The following DESI2 variants were observed in gnomAD, a reference collection of about 807,000 sequenced individuals.
DESI2 encodes desumoylating isopeptidase 2, also known as deubiquitinase DESI2.
DESI2 carries 10 observed loss-of-function variants against 24.1 expected under a neutral mutation model. That is an observed-to-expected ratio of 0.41 (90% CI 0.26 to 0.70). DESI2 has a LOEUF of 0.70. DESI2 is among the 30% of genes least tolerant of loss of function. The probability of loss-of-function intolerance (pLI) is 0.29; values close to 1 mark genes in which losing one functional copy is unlikely to be tolerated. For missense variants in DESI2, 122 were observed against 234.9 expected, an observed-to-expected ratio of 0.52 and a Z score of 3.14; for synonymous variants, 71 against 87.7, an observed-to-expected ratio of 0.81 and a Z score of 1.06.
At chr1:244,669,469 A>G (rs1253715041) in intron 1 of DESI2, among the ~76,000 whole-genome samples, 1 of 152,084 alleles carries the variant, frequency 6.6e-6, no homozygotes, top group East Asian at 1.9e-4. Flanking sequence ...ACCTGAGGTC[A>G]GGAGTTCGAG....
At chr1:244,654,797 C>A (rs1275397925) in intron 1 of DESI2, among the ~76,000 whole-genome samples, 1 of 152,132 alleles carries the variant, frequency 6.6e-6, no homozygotes, top group African/African-American at 2.4e-5. Context: ...CTGTGCACAT[C>A]CCCCTAATCT....
intron 4 of DESI2, among the ~76,000 whole-genome samples, chr1:244,695,820 G>A (rs560538708): frequency 2.2e-4 from 34 of 152,274 alleles, no homozygotes; most frequent in Admixed American, 3.9e-4. Flanking sequence ...CTGTTGCCCC[G>A]GCTGGGGTGC....
At chr1:244,653,970 A>G (rs986508801) in intron 1 of DESI2, 1 of 471,102 alleles carries the variant, frequency 2.1e-6, no homozygotes, top group African/African-American at 2.0e-5. Flanking sequence ...GCCCAGCTGA[A>G]TTATTTAGAG....
intron 1 of DESI2, among the ~76,000 whole-genome samples, chr1:244,656,026 G>GT (rs1675636668): frequency 6.6e-6 from 1 of 152,128 alleles, no homozygotes; most frequent in Non-Finnish European, 1.5e-5. Flanking sequence ...GTCAGTTTTG[G>GT]TTTTTGAAAT....
intron 2 of DESI2, among the ~76,000 whole-genome samples, chr1:244,687,481 G>A (rs1676864538): frequency 6.6e-6 from 1 of 152,122 alleles, no homozygotes. Context: ...GCCTTTGTTC[G>A]CTTCAGCTAG....
chr1:244,677,574 G>C (rs1036523906), intron 1 of DESI2, among the ~76,000 whole-genome samples: 2 of 152,068 alleles, frequency 1.3e-5, no homozygotes, highest in African/African-American at 4.8e-5. Flanking sequence ...ATTAATTTTT[G>C]CCTTGCACAG....
chr1:244,669,959 ATTC>A (rs1471457354), intron 1 of DESI2, among the ~76,000 whole-genome samples: 1 of 93,462 alleles, frequency 1.1e-5, no homozygotes, highest in Non-Finnish European at 2.4e-5. Flanking sequence ...AATATAAATA[ATTC>A]TTTTTTTTTT....
intron 1 of DESI2, among the ~76,000 whole-genome samples, chr1:244,669,962 CT>C (rs11392135): frequency 1.8e-4 from 26 of 148,108 alleles, no homozygotes; most frequent in South Asian, 6.4e-4. Flanking sequence ...ATAAATAATT[CT>C]TTTTTTTTTT....
rs1675515145 is a variant in DESI2 at position 244,653,159 on chromosome 1, C to A, written c.-155C>A. Reference sequence around the variant, plus strand: ...CTGTCGGCGGCGCCCGGGAGCGGCTCGGCTGCCCGATGCTTCCGCCCCGGC... The same window carrying A: ...CTGTCGGCGGCGCCCGGGAGCGGCTAGGCTGCCCGATGCTTCCGCCCCGGC... On this transcript the variant is annotated 5_prime_UTR_variant, in exon 1 of 5. Coordinates refer to ENST00000302550, the MANE Select transcript of DESI2 (RefSeq NM_016076.5). The A allele has an allele frequency of 7.2e-6, 5 of 697,324 alleles. No homozygotes were observed. The South Asian group carries it at 2.4e-4, about 34-fold the overall frequency. The allele number at this position is 697,324 out of a possible 1,614,324, so 43.2% of individuals were successfully genotyped here.
At chr1:244,660,268 C>G (rs1162760882) in intron 1 of DESI2, among the ~76,000 whole-genome samples, 1 of 152,144 alleles carries the variant, frequency 6.6e-6, no homozygotes, top group African/African-American at 2.4e-5. Context: ...TGGGTTCAAG[C>G]AATTTTCCTG....
chr1:244,696,525 T>C (rs144914008), intron 4 of DESI2, among the ~76,000 whole-genome samples: 17 of 151,982 alleles, frequency 1.1e-4, no homozygotes, highest in African/African-American at 3.9e-4. Context: ...GAGGCTGAGG[T>C]AGGAGGATGG....
chr1:244,701,370 A>G (rs567846029), intron 4 of DESI2, among the ~76,000 whole-genome samples: 1 of 152,288 alleles, frequency 6.6e-6, no homozygotes, highest in South Asian at 2.1e-4. Context: ...AGTCAATCCC[A>G]TGACATACGC....
At chr1:244,678,705 G>T (rs1235371691) in intron 1 of DESI2, among the ~76,000 whole-genome samples, 2 of 152,122 alleles carry the variant, frequency 1.3e-5, no homozygotes, top group Non-Finnish European at 2.9e-5. Flanking sequence ...AAAACCTTTT[G>T]ATTATTGTAG....
At chr1:244,693,002 G>A (rs1677081802) in intron 4 of DESI2, among the ~76,000 whole-genome samples, 1 of 152,184 alleles carries the variant, frequency 6.6e-6, no homozygotes, top group South Asian at 2.1e-4. Flanking sequence ...TTCAGGCAGG[G>A]GGAAGGTAGT....
intron 1 of DESI2, among the ~76,000 whole-genome samples, chr1:244,674,063 C>T (rs544449533): frequency 7.3e-4 from 105 of 144,238 alleles, no homozygotes; most frequent in African/African-American, 2.6e-3. Flanking sequence ...GGTGCGATCT[C>T]GGCTCATTAC....
At position 244,704,719 on chromosome 1, in the gene DESI2, C is replaced by T. The variant is rs1183973548; in HGVS notation, c.352-837C>T. ...TGTTGCCTAGGCTGGAGTGCAGTGGCGTGATGTCAGCTCACTGCAACCTCC... is the reference window on the plus strand; with the variant it reads ...TGTTGCCTAGGCTGGAGTGCAGTGGTGTGATGTCAGCTCACTGCAACCTCC... On this transcript the variant is annotated intron_variant, in intron 4 of 4. Transcript: ENST00000302550. 3.9e-5 allele frequency among the ~76,000 whole-genome samples: 6 copies of T among 152,234 alleles called. No homozygotes were observed. In the East Asian group the frequency reaches 5.8e-4, roughly 15 times the overall value.
intron 4 of DESI2, chr1:244,694,475 TG>T: frequency 1.3e-6 from 1 of 789,342 alleles, no homozygotes; most frequent in Non-Finnish European, 2.3e-6. Flanking sequence ...TGGGTTTAGG[TG>T]GTGTTCCTTC....
At chr1:244,685,283 T>C (rs188171869) in intron 1 of DESI2, among the ~76,000 whole-genome samples, 21 of 152,300 alleles carry the variant, frequency 1.4e-4, no homozygotes, top group Non-Finnish European at 3.1e-4. Flanking sequence ...TATATAGTTA[T>C]TTTTAGACAC....
At chr1:244,659,420 C>T (rs1490593174) in intron 1 of DESI2, among the ~76,000 whole-genome samples, 9 of 152,130 alleles carry the variant, frequency 5.9e-5, no homozygotes, top group Non-Finnish European at 1.3e-4. Flanking sequence ...GCTCTGGGGG[C>T]AAATCTGCTT....
Sources: gnomAD v4.1 joint callset for allele counts (sites outside exome capture counted in the v4.1 genomes callset) on GRCh38, gnomAD v4.1.1 for gene constraint, MANE v1.5 for transcripts, NCBI Gene and HGNC (gene_info 2026-07-23, HGNC 2026-07-21) for gene names.